Variants in GPC6 observed in about 807,000 individuals in gnomAD.
GPC6 encodes glypican-6.
In GPC6, 14 loss-of-function variants were observed where a neutral mutation model predicts 55.2. That is an observed-to-expected ratio of 0.25 (90% CI 0.17 to 0.40). The LOEUF (loss-of-function observed/expected upper bound fraction) is 0.40, where lower values mean the gene tolerates loss of function less well. Ranked by LOEUF, GPC6 falls within the 10% of genes least tolerant of loss-of-function variation. GPC6 has a pLI of 1.00. For missense variants in GPC6, 641 were observed against 708.5 expected (o/e 0.90, Z 1.08); for synonymous variants, 278 against 259.6 (o/e 1.07, Z -0.68).
intron 1 of GPC6, among the ~76,000 whole-genome samples, chr13:93,411,011 C>A (rs61964164): frequency 0.035 from 5,327 of 152,234 alleles, 139 homozygotes; most frequent in Middle Eastern, 0.071. Context: ...TCCCCTACTT[C>A]TTGTGTTTCC....
intron 2 of GPC6, among the ~76,000 whole-genome samples, chr13:93,667,783 T>C (rs1251434108): frequency 6.8e-6 from 1 of 147,552 alleles, no homozygotes; most frequent in Non-Finnish European, 1.5e-5. Flanking sequence ...TTTCTGAGCA[T>C]TTCCTATTCA....
At chr13:93,586,814 A>G (rs1239929935) in intron 2 of GPC6, among the ~76,000 whole-genome samples, 1 of 152,236 alleles carries the variant, frequency 6.6e-6, no homozygotes, top group East Asian at 1.9e-4. Context: ...GTTCTATACT[A>G]TGATGTTACA....
At chr13:93,272,881 A>G (rs1877584937) in intron 1 of GPC6, among the ~76,000 whole-genome samples, 1 of 152,198 alleles carries the variant, frequency 6.6e-6, no homozygotes. Flanking sequence ...AGCTGCGGAA[A>G]CAGAATTATG....
intron 1 of GPC6, among the ~76,000 whole-genome samples, chr13:93,516,235 A>C (rs1168220069): frequency 9.9e-5 from 15 of 152,138 alleles, no homozygotes; most frequent in African/African-American, 3.6e-4. Flanking sequence ...GATGTTATCA[A>C]CTCTCTCCAG....
intron 3 of GPC6, among the ~76,000 whole-genome samples, chr13:93,857,625 A>G (rs1888664975): frequency 6.6e-6 from 1 of 151,588 alleles, no homozygotes; most frequent in African/African-American, 2.4e-5. Context: ...TCTATTTAAA[A>G]TATTGGGAAT....
At chr13:93,516,280 T>C (rs181513952) in intron 1 of GPC6, among the ~76,000 whole-genome samples, 1 of 152,302 alleles carries the variant, frequency 6.6e-6, no homozygotes, top group Non-Finnish European at 1.5e-5. Flanking sequence ...CACTTTTTCA[T>C]GTGTCATTAG....
At chr13:93,701,383 AAT>A (rs1184179695) in intron 2 of GPC6, among the ~76,000 whole-genome samples, 25 of 152,038 alleles carry the variant, frequency 1.6e-4, no homozygotes, top group Non-Finnish European at 1.5e-4. Flanking sequence ...TACATACATT[AAT>A]AAATACTTTA....
intron 1 of GPC6, among the ~76,000 whole-genome samples, chr13:93,442,415 A>G (rs1424715853): frequency 6.6e-6 from 1 of 152,186 alleles, no homozygotes; most frequent in Non-Finnish European, 1.5e-5. Context: ...GTGTGTTTTG[A>G]AGATTACATG....
chr13:94,160,567 C>T (rs1165476579), intron 4 of GPC6, among the ~76,000 whole-genome samples: 2 of 152,196 alleles, frequency 1.3e-5, no homozygotes, highest in Non-Finnish European at 2.9e-5. Context: ...GTTGCAGGCC[C>T]ATTAAACCAT....
At chr13:93,522,137 A>T (rs1881443370) in intron 1 of GPC6, among the ~76,000 whole-genome samples, 1 of 151,932 alleles carries the variant, frequency 6.6e-6, no homozygotes, top group South Asian at 2.1e-4. Context: ...GTTTCTAGGC[A>T]CACCCTCTGG....
chr13:93,523,739 T>C (rs774052086), intron 1 of GPC6, among the ~76,000 whole-genome samples: 7 of 152,044 alleles, frequency 4.6e-5, no homozygotes, highest in African/African-American at 9.7e-5. Flanking sequence ...TTCCATTTGT[T>C]TGGAATTTTT....
intron 1 of GPC6, among the ~76,000 whole-genome samples, chr13:93,306,243 T>C (rs1878852051): frequency 6.6e-6 from 1 of 152,148 alleles, no homozygotes; most frequent in African/African-American, 2.4e-5. Context: ...CAAATGATAA[T>C]GAAATAAGCA....
chr13:94,107,365 A>G (rs1886092355), intron 4 of GPC6, among the ~76,000 whole-genome samples: 1 of 152,136 alleles, frequency 6.6e-6, no homozygotes, highest in Non-Finnish European at 1.5e-5. Context: ...GGCATCTTAA[A>G]GGGAAAATAT....
intron 1 of GPC6, among the ~76,000 whole-genome samples, chr13:93,346,602 G>C (rs1880439346): frequency 6.6e-6 from 1 of 152,126 alleles, no homozygotes; most frequent in African/African-American, 2.4e-5. Flanking sequence ...TTGCCCCAGT[G>C]TCTAAAGTAG....
chr13:94,315,784 G>A (rs942698797), intron 6 of GPC6, among the ~76,000 whole-genome samples: 2 of 152,144 alleles, frequency 1.3e-5, no homozygotes, highest in East Asian at 1.9e-4. Flanking sequence ...TATTTATTGT[G>A]CACTAACATG....
chr13:93,585,819 C>A (rs1172545594), intron 2 of GPC6, among the ~76,000 whole-genome samples: 1 of 152,090 alleles, frequency 6.6e-6, no homozygotes, highest in Non-Finnish European at 1.5e-5. Flanking sequence ...ATCAACAGCT[C>A]ATTTTAAAAT....
At chr13:94,275,100 T>C (rs1351196719) in intron 4 of GPC6, among the ~76,000 whole-genome samples, 1 of 152,220 alleles carries the variant, frequency 6.6e-6, no homozygotes. Context: ...ATTATTCCAA[T>C]GATTCTTTTA....
At chr13:93,791,900 G>C (rs187856563) in intron 2 of GPC6, among the ~76,000 whole-genome samples, 3 of 152,212 alleles carry the variant, frequency 2.0e-5, no homozygotes, top group African/African-American at 7.2e-5. Flanking sequence ...CTCTTCCCAG[G>C]GGTACTTAGA....
intron 4 of GPC6, among the ~76,000 whole-genome samples, chr13:94,219,389 TG>T (rs1566557948): frequency 6.6e-6 from 1 of 152,190 alleles, no homozygotes; most frequent in Non-Finnish European, 1.5e-5. Flanking sequence ...CAAGAGGCAC[TG>T]CCTCTGTACC....
Sources: gnomAD v4.1 joint callset for allele counts (sites outside exome capture counted in the v4.1 genomes callset) on GRCh38, gnomAD v4.1.1 for gene constraint, MANE v1.5 for transcripts, NCBI Gene and HGNC (gene_info 2026-07-23, HGNC 2026-07-21) for gene names.